The following ITPR1 variants were observed in gnomAD, a reference collection of about 807,000 sequenced individuals.
ITPR1 encodes inositol 1,4,5-trisphosphate receptor type 1.
In ITPR1, 96 loss-of-function variants were observed where a neutral mutation model predicts 318.4. That is an observed-to-expected ratio of 0.30 (90% CI 0.26 to 0.36). The LOEUF (loss-of-function observed/expected upper bound fraction) is 0.36. Ranked by LOEUF, ITPR1 falls within the 10% of genes least tolerant of loss-of-function variation. The probability of loss-of-function intolerance (pLI) is 1.00; values close to 1 mark genes in which losing one functional copy is unlikely to be tolerated. For missense variants in ITPR1, 2,440 were observed against 3,460.2 expected (o/e 0.71, Z 7.40); for synonymous variants, 1,312 against 1,289.9 (o/e 1.02, Z -0.37).
intron 10 of ITPR1, 60 bp downstream of exon 10, chr3:4,645,788 T>TCG (rs2093441298): frequency 2.1e-6 from 3 of 1,415,124 alleles, no homozygotes; most frequent in Non-Finnish European, 2.9e-6. Context: ...GTATATAGGC[T>TCG]CTCTCTCTCT....
At chr3:4,573,035 A>T (rs2088195256) in intron 4 of ITPR1, among the ~76,000 whole-genome samples, 1 of 152,174 alleles carries the variant, frequency 6.6e-6, no homozygotes, top group Non-Finnish European at 1.5e-5. Context: ...GATTGGGATT[A>T]GTGCTGCTAT....
intron 60 of ITPR1, among the ~76,000 whole-genome samples, chr3:4,823,215 G>T (rs950092013): frequency 6.6e-6 from 1 of 152,192 alleles, no homozygotes; most frequent in Non-Finnish European, 1.5e-5. Flanking sequence ...CCCTGGGCAT[G>T]TTGCAGTTAA....
intron 20 of ITPR1, 105 bp from the exon 21 acceptor site, chr3:4,673,031 T>C (rs1038337487): frequency 3.5e-5 from 45 of 1,267,946 alleles, no homozygotes; most frequent in Non-Finnish European, 4.6e-5. Flanking sequence ...TGAGTTTAGT[T>C]GGCCAAATGT....
chr3:4,534,139 G>A (rs760906370), intron 4 of ITPR1, among the ~76,000 whole-genome samples: 4 of 152,114 alleles, frequency 2.6e-5, no homozygotes, highest in Non-Finnish European at 5.9e-5. Context: ...TAGATTTAGG[G>A]GATACAAGTG....
At chr3:4,662,945 T>G (rs1429005441) in intron 15 of ITPR1, 120 bp from the exon 16 acceptor site, 3 of 732,438 alleles carry the variant, frequency 4.1e-6, no homozygotes, top group Non-Finnish European at 6.8e-6. Flanking sequence ...TCAAAGAAAT[T>G]GGAAAGTGTG....
intron 44 of ITPR1, among the ~76,000 whole-genome samples, chr3:4,742,547 G>T (rs1019033316): frequency 2.0e-5 from 3 of 152,212 alleles, no homozygotes; most frequent in Admixed American, 1.3e-4. Flanking sequence ...TGTTTTCACA[G>T]ACTATTTATA....
chr3:4,790,313 G>C (rs2047473302), intron 52 of ITPR1, among the ~76,000 whole-genome samples: 1 of 152,198 alleles, frequency 6.6e-6, no homozygotes, highest in Non-Finnish European at 1.5e-5. Flanking sequence ...TGAAGTGAGG[G>C]ATTAAGATGA....
intron 5 of ITPR1, among the ~76,000 whole-genome samples, chr3:4,634,359 A>G (rs549885340): frequency 6.6e-6 from 1 of 152,092 alleles, no homozygotes; most frequent in South Asian, 2.1e-4. Context: ...CCACAGGCAC[A>G]CACCACCATG....
intron 13 of ITPR1, among the ~76,000 whole-genome samples, chr3:4,660,415 C>G (rs893466918): frequency 2.0e-5 from 3 of 149,838 alleles, no homozygotes; most frequent in African/African-American, 7.4e-5. Flanking sequence ...TTTTTTTCAA[C>G]TTTGTTTATG....
chr3:4,721,357 C>G (rs572080679), intron 40 of ITPR1, among the ~76,000 whole-genome samples: 93 of 152,006 alleles, frequency 6.1e-4, no homozygotes, highest in Middle Eastern at 6.8e-3. Flanking sequence ...ATAATTTTTG[C>G]TTAGTTCTGT....
chr3:4,570,946 T>TA (rs2087910177), intron 4 of ITPR1, among the ~76,000 whole-genome samples: 1 of 152,220 alleles, frequency 6.6e-6, no homozygotes, highest in East Asian at 1.9e-4. Flanking sequence ...TTGGGTGAGC[T>TA]TACCCATGTG....
At chr3:4,547,067 T>A (rs2085090930) in intron 4 of ITPR1, among the ~76,000 whole-genome samples, 1 of 152,134 alleles carries the variant, frequency 6.6e-6, no homozygotes, top group Non-Finnish European at 1.5e-5. Flanking sequence ...GACTAGAAAG[T>A]GAAACACAGC....
At chr3:4,688,147 G>T (rs1400215677) in intron 30 of ITPR1, among the ~76,000 whole-genome samples, 1 of 147,752 alleles carries the variant, frequency 6.8e-6, no homozygotes, top group African/African-American at 2.5e-5. Context: ...TCCACCCAAA[G>T]GGGTGGGATT....
At chr3:4,823,582 T>A (rs974249363) in intron 60 of ITPR1, among the ~76,000 whole-genome samples, 5 of 152,016 alleles carry the variant, frequency 3.3e-5, no homozygotes. Flanking sequence ...CATGTTCTCA[T>A]TTATATGTGG....
chr3:4,803,961 T>C (rs1209134836), intron 54 of ITPR1, among the ~76,000 whole-genome samples: 3 of 152,196 alleles, frequency 2.0e-5, no homozygotes, highest in Admixed American at 6.5e-5. Context: ...AACCTCCGCC[T>C]CCTGGGTTCA....
intron 2 of ITPR1, among the ~76,000 whole-genome samples, chr3:4,515,348 T>C (rs1160352990): frequency 1.3e-5 from 2 of 152,128 alleles, no homozygotes; most frequent in Non-Finnish European, 2.9e-5. Context: ...GTTACAACTC[T>C]TGTAACTGTG....
intron 4 of ITPR1, among the ~76,000 whole-genome samples, chr3:4,626,030 T>G (rs1343743133): frequency 6.6e-6 from 1 of 152,292 alleles, no homozygotes; most frequent in African/African-American, 2.4e-5. Flanking sequence ...TATTAGCTAC[T>G]TGAGAAGCTG....
chr3:4,694,048 A>C (rs979821592), intron 33 of ITPR1, among the ~76,000 whole-genome samples: 4 of 152,202 alleles, frequency 2.6e-5, no homozygotes, highest in Non-Finnish European at 4.4e-5. Flanking sequence ...AACTTTTCAG[A>C]AATGTGACGA....
At position 4,680,408 on chromosome 3, in the gene ITPR1, A is replaced by T. The variant is rs1326681273; in HGVS notation, c.2968-145A>T. ...CTGCTGTTGTTAAAATGACTGTTGA[A>T]ATCTAAGCCAAATACTTGGCTCACT... On this transcript the variant is annotated intron_variant, in intron 24 of 61. Transcript: ENST00000649015. 7 of 686,876 alleles carry T rather than the reference A, an allele frequency of 1.0e-5. No homozygotes were observed. The East Asian group carries it at 1.5e-4, about 15-fold the overall frequency. 42.5% of individuals were successfully genotyped at this position (686,876 alleles called of 1,614,324 possible).
Sources: allele counts gnomAD v4.1 joint callset (sites outside exome capture counted in the v4.1 genomes callset), GRCh38; gene constraint gnomAD v4.1.1; transcripts MANE v1.5; gene names NCBI Gene and HGNC (gene_info 2026-07-23, HGNC 2026-07-21).